Variants in DHODH observed in about 807,000 individuals in gnomAD.
DHODH encodes the protein dihydroorotate dehydrogenase (quinone), also known as dihydroorotate dehydrogenase (quinone), mitochondrial.
DHODH carries 30 observed loss-of-function variants against 39.7 expected under a neutral mutation model. The observed-to-expected ratio is 0.76, with a 90% CI of 0.57 to 1.02. The LOEUF is 1.02. Among genes scored for constraint, DHODH ranks in the 50% least tolerant of loss-of-function variants. The pLI, the probability that DHODH is intolerant of heterozygous loss-of-function variation, is 0.00. For missense variants in DHODH, 531 were observed against 520.8 expected (o/e 1.02, Z -0.19); for synonymous variants, 222 against 213.8 (o/e 1.04, Z -0.34).
chr16:72,021,394 G>T, intron 5 of DHODH, 83 bp downstream of exon 5: 1 of 1,446,402 alleles, frequency 6.9e-7, no homozygotes, highest in African/African-American at 1.4e-5. Flanking sequence ...CGAACCTTCA[G>T]CATCACCCTC....
In DHODH at chr16:72,014,732, G is replaced by T. The variant is rs139757496; in HGVS notation, c.434+60G>T. On this transcript the variant is annotated intron_variant, in intron 3 of 8. Coordinates refer to ENST00000219240, the MANE Select transcript of DHODH (RefSeq NM_001361.5). ...CTCTTTCCAGCTGGGGGCGTTCAGAGATATAAGATCTGCCTCTGTTTTTTT... is the reference window on the plus strand; with the variant it reads ...CTCTTTCCAGCTGGGGGCGTTCAGATATATAAGATCTGCCTCTGTTTTTTT... 2.7e-3 allele frequency: 4,147 copies of T among 1,541,248 alleles called. 117 individuals are homozygous for T. The highest frequency in any genetic ancestry group is 8.7e-4 in the South Asian group (77 of 88,424).
intron 6 of DHODH, among the ~76,000 whole-genome samples, chr16:72,022,858 A>C (rs12446480): frequency 1.3e-5 from 2 of 151,942 alleles, no homozygotes; most frequent in East Asian, 3.9e-4. Context: ...CGTGGGTTCA[A>C]ATCCTGGTTC....
rs1256090251 is a variant in DHODH, at chr16:72,021,224, C to T, written c.618C>T (p.Asp206=). ...EGVRVLGPLA[D]YLVVNVSSPN... ...TGCGCGTACTGGGCCCCCTGGCCGA[C>T]TACCTGGTGGTGAATGTGTCCAGCC... is the stretch of plus-strand genomic sequence containing the variant. Residue 206 remains aspartate, a synonymous_variant, in exon 5 of 9, where the codon GAC becomes GAT. Coordinates refer to ENST00000219240, the MANE Select transcript of DHODH (RefSeq NM_001361.5). The T allele has an allele frequency of 3.7e-6, 6 of 1,612,748 alleles. No individual in the cohort carries two copies. Among genetic ancestry groups the T allele is most frequent in the Non-Finnish European group, 5.1e-6 (6 of 1,179,598 alleles).
intron 4 of DHODH, 84 bp from the exon 5 acceptor site, chr16:72,021,040 A>G: frequency 2.1e-6 from 3 of 1,400,450 alleles, no homozygotes; most frequent in South Asian, 1.3e-5. Context: ...GCGGCTGTCC[A>G]CAGGTGGTTT....
intron 3 of DHODH, chr16:72,015,928 CT>C (rs1417403741): frequency 1.0e-6 from 1 of 959,838 alleles, no homozygotes; most frequent in Non-Finnish European, 1.2e-6. Context: ...GCCAGTGTGT[CT>C]GTTATTATGG....
In DHODH at chr16:72,024,416, G is replaced by A. The variant is rs1046899348; in HGVS notation, c.*217G>A. ...TAAACTGCATTTTTGATTCTTTGTGGATTCAAACCCTAGGATCCATCAGTC... is the reference window on the plus strand; with the variant it reads ...TAAACTGCATTTTTGATTCTTTGTGAATTCAAACCCTAGGATCCATCAGTC... On this transcript the variant is annotated 3_prime_UTR_variant, in exon 9 of 9. Transcript: ENST00000219240. 2.7e-5 allele frequency: 16 copies of A among 602,964 alleles called. No homozygotes were observed. Among genetic ancestry groups the A allele is most frequent in the Middle Eastern group, 4.5e-4 (1 of 2,224 alleles). The allele number at this position is 602,964 out of a possible 1,614,324, so 37.4% of individuals were successfully genotyped here. A position where few individuals can be genotyped will look rare whatever the true frequency, so the allele number is the denominator to read the frequency against.
Position 72,024,322 on chromosome 16 carries a change from C to T in DHODH, c.*123C>T, listed in dbSNP as rs1322978014. The T allele has an allele frequency of 4.7e-6, 5 of 1,061,134 alleles. No homozygotes were observed. Among genetic ancestry groups the T allele is most frequent in the Admixed American group, 1.9e-5 (1 of 52,886 alleles). 65.7% of individuals were successfully genotyped at this position (1,061,134 alleles called of 1,614,324 possible). ...ATGTCCCCCAGCCATGGCATGGCTG[C>T]ACTGTAAACGCCAATCGGGGGGTCA... is the stretch of plus-strand genomic sequence containing the variant. On this transcript the variant is annotated 3_prime_UTR_variant, in exon 9 of 9. Coordinates refer to ENST00000219240, the MANE Select transcript of DHODH (RefSeq NM_001361.5).
At position 72,025,675 on chromosome 16, in the gene DHODH, TC is replaced by T. The variant is rs1454022129; in HGVS notation, c.*1478del. On this transcript the variant is annotated 3_prime_UTR_variant, in exon 9 of 9. Coordinates refer to ENST00000219240, the MANE Select transcript of DHODH (RefSeq NM_001361.5). ...ATTCTGATAGATAGAGCCAAGTTGC[TC>T]CTATCAGGTTTTCAAGCTGCCCATT... 1 of 152,340 alleles carries T rather than the reference TC, an allele frequency of 6.6e-6. No homozygotes were observed. Among genetic ancestry groups the T allele is most frequent in the Non-Finnish European group, 1.5e-5 (1 of 68,148 alleles). 9.4% of individuals were successfully genotyped at this position (152,340 alleles called of 1,614,324 possible).
intron 4 of DHODH, among the ~76,000 whole-genome samples, chr16:72,019,209 G>A (rs1025856743): frequency 6.6e-6 from 1 of 152,140 alleles, no homozygotes; most frequent in Non-Finnish European, 1.5e-5. Context: ...ACCCACCTCA[G>A]CCTCCCAAAG....
At chr16:72,020,373 T>TATATATGTATATATATATATATA (rs1273739362) in intron 4 of DHODH, 7 of 88,278 alleles carry the variant, frequency 7.9e-5, no homozygotes, top group African/African-American at 4.8e-4. Context: ...ATATATATAT[T>TATATATGTATATATATATATATA]TTTTTTTTTT....
At position 72,022,481 on chromosome 16, in the gene DHODH, A is replaced by C; in HGVS notation, c.819+6A>C. On this transcript the variant is annotated splice_donor_region_variant and intron_variant, in intron 6 of 8. Transcript: ENST00000219240. ...TTGCCAGTGTGGTCAAAGAGGTTTG[A>C]GTCGGGGCCTGGGCCCAGGGTGTGC... is the stretch of plus-strand genomic sequence containing the variant. The C allele has an allele frequency of 3.9e-6, 6 of 1,549,372 alleles. No individual in the cohort carries two copies. Among genetic ancestry groups the C allele is most frequent in the Non-Finnish European group, 5.2e-6 (6 of 1,146,504 alleles).
intron 4 of DHODH, among the ~76,000 whole-genome samples, chr16:72,020,015 C>T (rs113348449): frequency 0.12 from 17,811 of 151,810 alleles, 1,854 homozygotes; most frequent in African/African-American, 0.29. Context: ...CAGTGGCTCA[C>T]GCCTGTAATC....
chr16:72,024,066 G>A, intron 8 of DHODH, 79 bp from the exon 9 acceptor site: 5 of 1,461,690 alleles, frequency 3.4e-6, no homozygotes, highest in Non-Finnish European at 4.8e-6. Context: ...ATGCGTTTCT[G>A]GGTGAACGTG....
At chr16:72,015,547 T>C (rs1328021329) in intron 3 of DHODH, 10 of 267,612 alleles carry the variant, frequency 3.7e-5, no homozygotes, top group Non-Finnish European at 5.8e-5. Context: ...ATGGGCATCT[T>C]TGGGGCCACT....
intron 3 of DHODH, 119 bp from the exon 4 acceptor site, chr16:72,016,905 G>C: frequency 1.1e-6 from 1 of 871,802 alleles, no homozygotes; most frequent in Admixed American, 2.0e-5. Flanking sequence ...TTTAGACCCT[G>C]GAAGTGTAAG....
intron 3 of DHODH, chr16:72,016,767 C>T: frequency 2.2e-6 from 1 of 451,524 alleles, no homozygotes; most frequent in South Asian, 2.1e-5. Context: ...GGGGATCCAG[C>T]AGGTCTGGGG....
chr16:72,021,371 T>A, intron 5 of DHODH, 60 bp downstream of exon 5: 1 of 1,527,418 alleles, frequency 6.5e-7, no homozygotes, highest in Non-Finnish European at 8.8e-7. Context: ...CTGCTCCCCT[T>A]CATTCTCCAG....
chr16:72,019,827 T>A (rs2041183313), intron 4 of DHODH, among the ~76,000 whole-genome samples: 1 of 152,168 alleles, frequency 6.6e-6, no homozygotes, highest in Non-Finnish European at 1.5e-5. Flanking sequence ...CAATTACACC[T>A]CTACATTTTA....
intron 1 of DHODH, among the ~76,000 whole-genome samples, chr16:72,010,309 T>A (rs1040149517): frequency 5.3e-5 from 8 of 152,218 alleles, no homozygotes; most frequent in Non-Finnish European, 1.2e-4. Context: ...ACTATTTTTT[T>A]AAATAATTGA....
Sources: gnomAD v4.1 joint callset for allele counts (sites outside exome capture counted in the v4.1 genomes callset) on GRCh38, gnomAD v4.1.1 for gene constraint, MANE v1.5 for transcripts, NCBI Gene and HGNC (gene_info 2026-07-23, HGNC 2026-07-21) for gene names.